The following ING3 variants were observed in gnomAD, a reference collection of about 807,000 sequenced individuals.
The protein encoded by ING3 is inhibitor of growth family member 3, also known as inhibitor of growth protein 3.
Under a neutral mutation model 64.8 loss-of-function variants are expected in ING3, and 6 were observed. That is an observed-to-expected ratio of 0.09 (90% CI 0.05 to 0.18). ING3 has a LOEUF of 0.18. Among genes scored for constraint, ING3 ranks in the 10% least tolerant of loss-of-function variants. ING3 has a pLI of 1.00. For synonymous variants in ING3, 170 were observed against 173.7 expected, an observed-to-expected ratio of 0.98 and a Z score of 0.17; for missense variants, 310 against 489.7, an observed-to-expected ratio of 0.63 and a Z score of 3.46.
In ING3 at chr7:120,966,611, C is replaced by T. The variant is rs1177177947; in HGVS notation, c.365-15C>T. 6.9e-6 allele frequency: 11 copies of T among 1,599,326 alleles called. No individual in the cohort carries two copies. Among genetic ancestry groups the T allele is most frequent in the Admixed American group, 1.7e-5 (1 of 59,980 alleles). ...CATTTAATGGTGGTGTATCTCTGTG[C>T]CTCTCTTCTTTTAGGATCTTTGGAA... On this transcript the variant is annotated splice_polypyrimidine_tract_variant and intron_variant, in intron 5 of 11. Coordinates refer to ENST00000315870, the MANE Select transcript of ING3 (RefSeq NM_019071.3).
rs1485126567 is a variant in ING3 at position 120,974,907 on chromosome 7, AAAG to A, written c.*68_*70del. ...CTGAAGATTTTATATAGGACTTTAA[AAAG>A]AAGAGAAGAGAAAGAAGAAACAATG... On this transcript the variant is annotated 3_prime_UTR_variant, in exon 12 of 12. Transcript: ENST00000315870. The A allele has an allele frequency of 1.8e-6, 2 of 1,142,476 alleles. No homozygotes were observed. The highest frequency in any genetic ancestry group is 1.6e-5 in the African/African-American group (1 of 64,002). The allele number at this position is 1,142,476 out of a possible 1,614,324, so 70.8% of individuals were successfully genotyped here.
chr7:120,964,678 A>G (rs1419601486), intron 4 of ING3, 64 bp from the exon 5 acceptor site: 2 of 1,310,970 alleles, frequency 1.5e-6, no homozygotes, highest in South Asian at 2.4e-5. Context: ...AGGTTTCCTC[A>G]TTAAGCTGAC....
intron 3 of ING3, 134 bp from the exon 4 acceptor site, chr7:120,955,425 C>CT (rs1795831407): frequency 6.3e-6 from 4 of 633,128 alleles, no homozygotes; most frequent in Non-Finnish European, 1.1e-5. Context: ...CCCCTGGCCT[C>CT]TAACAGGTTT....
At chr7:120,966,884 T>A (rs557962975) in intron 6 of ING3, among the ~76,000 whole-genome samples, 187 bp downstream of exon 6, 3 of 152,276 alleles carry the variant, frequency 2.0e-5, no homozygotes, top group African/African-American at 4.8e-5. Context: ...AAATGAGTAT[T>A]CTGTTTTCTC....
intron 3 of ING3, 58 bp downstream of exon 3, chr7:120,953,462 A>T: frequency 1.0e-6 from 1 of 1,002,520 alleles, no homozygotes; most frequent in Non-Finnish European, 1.5e-6. Context: ...TGAAAAAGAT[A>T]TTTCAAAATT....
intron 4 of ING3, among the ~76,000 whole-genome samples, chr7:120,961,622 ATTTT>A (rs1254377912): frequency 6.6e-6 from 1 of 152,186 alleles, no homozygotes; most frequent in Non-Finnish European, 1.5e-5. Context: ...AGGATGAAGG[ATTTT>A]TTGTTTGTTT....
At position 120,975,666 on chromosome 7, in the gene ING3, T is replaced by G. The variant is rs1414696664; in HGVS notation, c.*822T>G. The G allele has an allele frequency of 6.6e-6, 1 of 152,156 alleles. No homozygotes were observed. The highest frequency in any genetic ancestry group is 1.5e-5 in the Non-Finnish European group (1 of 68,020). The allele number at this position is 152,156 out of a possible 1,614,324, so 9.4% of individuals were successfully genotyped here. On this transcript the variant is annotated 3_prime_UTR_variant, in exon 12 of 12. Coordinates refer to ENST00000315870, the MANE Select transcript of ING3 (RefSeq NM_019071.3). ...AAGTTTTTAAAAAATTACTTGTATT[T>G]ATACTTTACATACTTAATAATGAAA...
chr7:120,963,444 C>CA (rs34775399), intron 4 of ING3, among the ~76,000 whole-genome samples: 30,758 of 145,838 alleles, frequency 0.21, 3,377 homozygotes, highest in African/African-American at 0.24. Flanking sequence ...GAATGTTTTT[C>CA]AAAAAAAAAA....
At chr7:120,973,133 C>T (rs944763038) in intron 10 of ING3, 72 bp from the exon 11 acceptor site, 3 of 732,570 alleles carry the variant, frequency 4.1e-6, no homozygotes, top group African/African-American at 3.6e-5. Context: ...CAGTATCATA[C>T]ATAAACAGTT....
At chr7:120,970,405 C>T (rs576325324) in intron 9 of ING3, among the ~76,000 whole-genome samples, 12 of 149,902 alleles carry the variant, frequency 8.0e-5, no homozygotes, top group South Asian at 2.1e-4. Flanking sequence ...GTGGAGCTTG[C>T]GGTGTGCAGA....
In ING3 at chr7:120,975,850, A is replaced by G. The variant is rs953946452; in HGVS notation, c.*1006A>G. 5.9e-5 allele frequency: 9 copies of G among 152,186 alleles called. No individual in the cohort carries two copies. The highest frequency in any genetic ancestry group is 3.9e-4 in the East Asian group (2 of 5,192). 9.4% of individuals were successfully genotyped at this position (152,186 alleles called of 1,614,324 possible). On this transcript the variant is annotated 3_prime_UTR_variant, in exon 12 of 12. Transcript: ENST00000315870. ...TTTTTAATGTAAATTTGAAATGCCA[A>G]TGTATTTTTTTAAGAACATCATCTG...
chr7:120,955,104 C>T (rs1186054742), intron 3 of ING3, among the ~76,000 whole-genome samples: 1 of 152,064 alleles, frequency 6.6e-6, no homozygotes, highest in Non-Finnish European at 1.5e-5. Context: ...CATCCCCACC[C>T]TATTTCTAAC....
At chr7:120,972,176 A>C (rs879892919) in intron 10 of ING3, among the ~76,000 whole-genome samples, 3 of 152,060 alleles carry the variant, frequency 2.0e-5, no homozygotes, top group Non-Finnish European at 4.4e-5. Context: ...GAAGCAAGCC[A>C]TGGATTATAT....
chr7:120,959,700 C>T (rs1482932224), intron 4 of ING3, among the ~76,000 whole-genome samples: 2 of 127,856 alleles, frequency 1.6e-5, no homozygotes, highest in African/African-American at 6.1e-5. Flanking sequence ...AGCTGGACTG[C>T]AGTGGCGCTA....
At chr7:120,964,617 A>C (rs140490648) in intron 4 of ING3, 125 bp from the exon 5 acceptor site, 1 of 665,094 alleles carries the variant, frequency 1.5e-6, no homozygotes, top group Non-Finnish European at 2.7e-6. Context: ...GCATAGATTA[A>C]TTGACTTGCT....
chr7:120,967,738 T>C lies in ING3; in HGVS notation c.556+90T>C, dbSNP rs1396557637. On this transcript the variant is annotated intron_variant, in intron 7 of 11. Transcript: ENST00000315870. ...GTTTCAGGATTAATGAATCATACAG[T>C]TTCTTTACCTGGTTAAAGTATACAT... 5 of 1,365,452 alleles carry C rather than the reference T, an allele frequency of 3.7e-6. No individual in the cohort carries two copies. In the African/African-American group the frequency reaches 7.3e-5, roughly 20 times the overall value. 84.6% of individuals were successfully genotyped at this position (1,365,452 alleles called of 1,614,324 possible). A position where few individuals can be genotyped will look rare whatever the true frequency, so the allele number is the denominator to read the frequency against.
intron 4 of ING3, among the ~76,000 whole-genome samples, chr7:120,959,808 G>A (rs908738381): frequency 4.0e-5 from 6 of 151,340 alleles, no homozygotes; most frequent in African/African-American, 1.5e-4. Context: ...ACCACGCCCG[G>A]CTAATTTTTT....
In ING3 at chr7:120,975,322, G is replaced by A. The variant is rs1033383400; in HGVS notation, c.*478G>A. On this transcript the variant is annotated 3_prime_UTR_variant, in exon 12 of 12. Transcript: ENST00000315870. ...GCTTCTAAAAAGAATTTAAGATAAT[G>A]GTTTTTAAAATGCCTTTATAATAAG... 1 of 151,614 alleles carries A rather than the reference G, an allele frequency of 6.6e-6. No homozygotes were observed. Among genetic ancestry groups the A allele is most frequent in the Non-Finnish European group, 1.5e-5 (1 of 67,934 alleles). 9.4% of individuals were successfully genotyped at this position (151,614 alleles called of 1,614,324 possible). A position where few individuals can be genotyped will look rare whatever the true frequency, so the allele number is the denominator to read the frequency against.
chr7:120,975,497 C>T lies in ING3; in HGVS notation c.*653C>T, dbSNP rs1228424403. On this transcript the variant is annotated 3_prime_UTR_variant, in exon 12 of 12. Coordinates refer to ENST00000315870, the MANE Select transcript of ING3 (RefSeq NM_019071.3). ...TGCCATTAGTCTTTCTATGTTTCTGCATCCAGATAGAGTGCAGTTCATGAG... is the reference window on the plus strand; with the variant it reads ...TGCCATTAGTCTTTCTATGTTTCTGTATCCAGATAGAGTGCAGTTCATGAG... 7.9e-6 allele frequency: 1 copy of T among 126,666 alleles called. No homozygotes were observed. Among genetic ancestry groups the T allele is most frequent in the African/African-American group, 3.1e-5 (1 of 32,560 alleles). The allele number at this position is 126,666 out of a possible 1,614,324, so 7.8% of individuals were successfully genotyped here.
Sources: allele counts gnomAD v4.1 joint callset (sites outside exome capture counted in the v4.1 genomes callset), GRCh38; gene constraint gnomAD v4.1.1; transcripts MANE v1.5; gene names NCBI Gene and HGNC (gene_info 2026-07-23, HGNC 2026-07-21).